The following FRY variants were observed in gnomAD, a reference collection of about 807,000 sequenced individuals.
The protein encoded by FRY is FRY microtubule binding protein, also known as protein furry homolog.
Under a neutral mutation model 348.4 loss-of-function variants are expected in FRY, and 128 were observed. That is an observed-to-expected ratio of 0.37 (90% CI 0.32 to 0.43). The LOEUF (loss-of-function observed/expected upper bound fraction) is 0.43. Ranked by LOEUF, FRY falls within the 20% of genes least tolerant of loss-of-function variation. The pLI, the probability that FRY is intolerant of heterozygous loss-of-function variation, is 1.00. For missense variants in FRY, 2,736 were observed against 3,695.2 expected, an observed-to-expected ratio of 0.74 and a Z score of 6.73; for synonymous variants, 1,370 against 1,374.7, an observed-to-expected ratio of 1.00 and a Z score of 0.08.
chr13:32,081,272 C>T (rs1186275312), intron 2 of FRY, among the ~76,000 whole-genome samples: 1 of 152,176 alleles, frequency 6.6e-6, no homozygotes, highest in Non-Finnish European at 1.5e-5. Flanking sequence ...TGATGGCCAA[C>T]AAGACACACT....
intron 2 of FRY, among the ~76,000 whole-genome samples, chr13:32,094,859 C>T (rs532811222): frequency 1.3e-5 from 2 of 152,204 alleles, no homozygotes; most frequent in African/African-American, 2.4e-5. Flanking sequence ...GATTTCCTCT[C>T]AGTATTTGGA....
At position 32,216,842 on chromosome 13, in the gene FRY, A is replaced by C. The variant is rs1223848849; in HGVS notation, c.4683-1907A>C. Among the ~76,000 whole-genome samples the C allele has an allele frequency of 3.9e-5, 6 of 152,242 alleles. 1 individual carries two copies. Among genetic ancestry groups the C allele is most frequent in the Admixed American group, 3.9e-4 (6 of 15,278 alleles). ...TCTTATAGATTCACAAATGCCCAAA[A>C]GATATAACAGTGAAGAAGGTTTGAG... On this transcript the variant is annotated intron_variant, in intron 35 of 60. Transcript: ENST00000542859.
At chr13:32,149,185 A>G (rs1046989982) in intron 13 of FRY, among the ~76,000 whole-genome samples, 8 of 148,974 alleles carry the variant, frequency 5.4e-5, no homozygotes, top group Non-Finnish European at 5.9e-5. Flanking sequence ...AACTATTGTT[A>G]TATATATACC....
At chr13:32,267,066 A>T in intron 54 of FRY, 104 bp from the exon 55 acceptor site, 7 of 1,002,934 alleles carry the variant, frequency 7.0e-6, no homozygotes, top group Non-Finnish European at 1.1e-5. Flanking sequence ...GAGTGGGTAG[A>T]ATAGCTACCT....
intron 50 of FRY, among the ~76,000 whole-genome samples, chr13:32,252,823 C>T (rs1887151441): frequency 6.6e-6 from 1 of 152,020 alleles, no homozygotes; most frequent in African/African-American, 2.4e-5. Context: ...CCCAGCCAGC[C>T]ATCAGCTAAG....
intron 36 of FRY, among the ~76,000 whole-genome samples, chr13:32,223,326 C>A (rs190676172): frequency 1.3e-5 from 2 of 152,264 alleles, no homozygotes; most frequent in African/African-American, 4.8e-5. Context: ...GGGAATTCAA[C>A]ACGATTTAAT....
chr13:32,078,880 T>C lies in FRY; in HGVS notation c.117T>C (p.Ala39=). The C allele has an allele frequency of 6.2e-7, 1 of 1,614,156 alleles. No individual in the cohort carries two copies. The highest frequency in any genetic ancestry group is 8.5e-7 in the Non-Finnish European group (1 of 1,180,000). The change falls in exon 2 of 61, where the codon GCT becomes GCC. Residue 39 remains alanine (A), a synonymous_variant. Coordinates refer to ENST00000542859, the MANE Select transcript of FRY (RefSeq NM_023037.3). The part of the protein sequence containing the change: ...NGYIKPPVPP[A]SGTHREKGPP... Reference sequence around the variant, plus strand: ...ACATCAAGCCTCCGGTTCCACCTGCTTCTGGCACGCACAGGGAGAAAGGGC... The same window carrying C: ...ACATCAAGCCTCCGGTTCCACCTGCCTCTGGCACGCACAGGGAGAAAGGGC...
At chr13:32,158,901 G>A (rs931214344) in intron 16 of FRY, among the ~76,000 whole-genome samples, 2 of 130,738 alleles carry the variant, frequency 1.5e-5, no homozygotes, top group Non-Finnish European at 3.1e-5. Flanking sequence ...CTGGGCGACA[G>A]TGAAACTGTT....
intron 2 of FRY, among the ~76,000 whole-genome samples, chr13:32,089,135 T>A: frequency 6.6e-6 from 1 of 152,210 alleles, no homozygotes; most frequent in Admixed American, 6.5e-5. Context: ...TCAGTACAGT[T>A]TTCAGCAATA....
chr13:32,061,221 G>A (rs1317128638), intron 1 of FRY: 1 of 521,472 alleles, frequency 1.9e-6, no homozygotes, highest in East Asian at 5.5e-5. Context: ...TAAATGCTGA[G>A]TATGGGAGGA....
rs572028177 is a variant in FRY, at chr13:32,269,672, A to G, written c.8136+2313A>G. ...GCACCACTGCATTCCAGCCTGGGCA[A>G]CAAAGTGAGACTCCATCTCCATTTT... is the stretch of plus-strand genomic sequence containing the variant. On this transcript the variant is annotated intron_variant, in intron 55 of 60. Transcript: ENST00000542859. Among the ~76,000 whole-genome samples, 5 of 146,952 alleles carry G rather than the reference A, an allele frequency of 3.4e-5. No homozygotes were observed. The East Asian group carries it at 8.1e-4, about 24-fold the overall frequency.
chr13:32,278,423 C>G, intron 57 of FRY, 42 bp from the exon 58 acceptor site: 1 of 1,000,076 alleles, frequency 1.0e-6, no homozygotes, highest in Non-Finnish European at 1.6e-6. Flanking sequence ...GTTCTCAGAA[C>G]ATTGCTGAAT....
chr13:32,283,328 A>G (rs1208918877), intron 58 of FRY, among the ~76,000 whole-genome samples: 1 of 152,176 alleles, frequency 6.6e-6, no homozygotes, highest in African/African-American at 2.4e-5. Context: ...CCTGCTGCCC[A>G]GTGAGTTCCT....
At chr13:32,270,148 G>A (rs538183121) in intron 55 of FRY, among the ~76,000 whole-genome samples, 2 of 151,800 alleles carry the variant, frequency 1.3e-5, no homozygotes, top group Admixed American at 6.6e-5. Flanking sequence ...TACTATTTGA[G>A]GTAAATTTAA....
At chr13:32,142,998 T>C (rs1593661652) in intron 11 of FRY, among the ~76,000 whole-genome samples, 3 of 152,078 alleles carry the variant, frequency 2.0e-5, no homozygotes, top group African/African-American at 4.8e-5. Context: ...TGTAACCTAA[T>C]TGAAGTTATC....
At chr13:32,064,046 T>G (rs767424664) in intron 1 of FRY, among the ~76,000 whole-genome samples, 7 of 152,208 alleles carry the variant, frequency 4.6e-5, no homozygotes, top group Non-Finnish European at 8.8e-5. Flanking sequence ...GCAAATTCCT[T>G]GCCCTTGTTG....
At chr13:32,201,858 C>T (rs1024318132) in intron 29 of FRY, 83 bp from the exon 30 acceptor site, 19 of 834,580 alleles carry the variant, frequency 2.3e-5, no homozygotes, top group Admixed American at 1.5e-4. Context: ...GTCAGCATGC[C>T]AGCTAGAATT....
At chr13:32,157,500 C>T in intron 16 of FRY, 95 bp downstream of exon 16, 1 of 1,199,942 alleles carries the variant, frequency 8.3e-7, no homozygotes, top group Non-Finnish European at 1.2e-6. Flanking sequence ...TTTTCATCTT[C>T]TTAGGGTTCT....
intron 1 of FRY, among the ~76,000 whole-genome samples, chr13:32,060,265 A>G (rs1038876534): frequency 3.9e-5 from 6 of 152,178 alleles, no homozygotes; most frequent in African/African-American, 1.4e-4. Flanking sequence ...TCTCAACCTC[A>G]TTAACCTAAA....
Sources: allele counts gnomAD v4.1 joint callset (sites outside exome capture counted in the v4.1 genomes callset), GRCh38; gene constraint gnomAD v4.1.1; transcripts MANE v1.5; gene names NCBI Gene and HGNC (gene_info 2026-07-23, HGNC 2026-07-21).